POLA1: variants seen among roughly 807,000 people sequenced by gnomAD.
POLA1 encodes DNA polymerase alpha catalytic subunit.
POLA1 carries 15 observed loss-of-function variants against 124.0 expected under a neutral mutation model. The ratio of observed to expected loss-of-function variants is 0.12; its 90% confidence interval spans 0.08 to 0.19. The LOEUF (loss-of-function observed/expected upper bound fraction) is 0.19. POLA1 is among the 10% of genes least tolerant of loss of function. The pLI is 1.00. For missense variants in POLA1, 886 were observed against 1,103.4 expected (o/e 0.80, Z 2.79); for synonymous variants, 408 against 389.4 (o/e 1.05, Z -0.56).
intron 34 of POLA1, among the ~76,000 whole-genome samples, chrX:24,846,051 A>C (rs1177343551): frequency 8.9e-6 from 1 of 112,249 alleles, no homozygotes; most frequent in Non-Finnish European, 1.9e-5. Flanking sequence ...AGTTTGGGGT[A>C]ACAAAGTATA....
intron 35 of POLA1, among the ~76,000 whole-genome samples, chrX:24,929,756 C>T (rs1434305898): frequency 8.0e-5 from 9 of 112,192 alleles, no homozygotes; most frequent in African/African-American, 2.9e-4. Flanking sequence ...CTCTAAATAA[C>T]CTCAGGAATG....
intron 26 of POLA1, among the ~76,000 whole-genome samples, chrX:24,778,714 C>T (rs2045194847): frequency 9.0e-6 from 1 of 111,666 alleles, no homozygotes; most frequent in Non-Finnish European, 1.9e-5. Context: ...CTCATAGAAA[C>T]CCTGTGATAT....
chrX:24,912,939 A>G (rs1252743340), intron 35 of POLA1, among the ~76,000 whole-genome samples: 1 of 112,264 alleles, frequency 8.9e-6, no homozygotes, highest in Non-Finnish European at 1.9e-5. Context: ...ACAACCCCAG[A>G]AAAGGTTGAC....
chrX:24,896,635 C>T (rs1358219226), intron 35 of POLA1, among the ~76,000 whole-genome samples: 1 of 111,395 alleles, frequency 9.0e-6, no homozygotes, highest in Non-Finnish European at 1.9e-5. Context: ...GGGTATCTAG[C>T]ACAGATGCCT....
At chrX:24,973,011 G>C (rs911115227) in intron 36 of POLA1, among the ~76,000 whole-genome samples, 2 of 112,306 alleles carry the variant, frequency 1.8e-5, no homozygotes, top group Admixed American at 9.4e-5. Context: ...GGCTGAGGAA[G>C]ATGTGGGTAA....
chrX:24,798,715 A>C (rs747048153), intron 26 of POLA1, among the ~76,000 whole-genome samples: 6 of 111,001 alleles, frequency 5.4e-5, no homozygotes, highest in Non-Finnish European at 9.4e-5. Flanking sequence ...TTAAGTTCTA[A>C]GGGAGTCAAA....
intron 32 of POLA1, among the ~76,000 whole-genome samples, chrX:24,837,000 G>T (rs947618669): frequency 1.8e-5 from 2 of 111,732 alleles, no homozygotes; most frequent in South Asian, 3.7e-4. Flanking sequence ...ATGAGGTCAG[G>T]TGTGGAATTT....
At chrX:24,918,099 A>G (rs925166537) in intron 35 of POLA1, among the ~76,000 whole-genome samples, 1 of 109,485 alleles carries the variant, frequency 9.1e-6, no homozygotes, top group Non-Finnish European at 1.9e-5. Flanking sequence ...TGTGAGACCA[A>G]ATGATACCAA....
intron 26 of POLA1, among the ~76,000 whole-genome samples, chrX:24,801,375 C>T (rs2045701915): frequency 8.9e-6 from 1 of 111,825 alleles, no homozygotes; most frequent in Non-Finnish European, 1.9e-5. Flanking sequence ...TAGGAGTTTT[C>T]CTCCTTTTAC....
At chrX:24,862,753 A>G (rs940650524) in intron 34 of POLA1, among the ~76,000 whole-genome samples, 2 of 111,969 alleles carry the variant, frequency 1.8e-5, no homozygotes, top group African/African-American at 6.5e-5. Flanking sequence ...AGTTTGGGCA[A>G]TTTTCTATAA....
intron 34 of POLA1, among the ~76,000 whole-genome samples, chrX:24,876,518 T>C (rs1259024166): frequency 9.0e-6 from 1 of 110,854 alleles, no homozygotes; most frequent in Non-Finnish European, 1.9e-5. Context: ...GAAAAAAAAA[T>C]GACTGTAGCT....
intron 26 of POLA1, among the ~76,000 whole-genome samples, chrX:24,750,444 A>G (rs1436590453): frequency 2.7e-5 from 3 of 112,595 alleles, no homozygotes; most frequent in African/African-American, 9.7e-5. Flanking sequence ...TTAAACTTAA[A>G]TAGACAAATG....
intron 36 of POLA1, among the ~76,000 whole-genome samples, chrX:24,938,909 A>T (rs923791477): frequency 1.8e-5 from 2 of 112,609 alleles, no homozygotes; most frequent in Admixed American, 9.4e-5. Flanking sequence ...CTTCTTCAAG[A>T]TAGCTAAGTT....
At chrX:24,700,512 A>AT (rs763340810) in intron 2 of POLA1, among the ~76,000 whole-genome samples, 43 of 111,518 alleles carry the variant, frequency 3.9e-4, no homozygotes, top group African/African-American at 1.2e-3. Context: ...GGAATAAAGC[A>AT]TTTTTTTTGT....
chrX:24,706,945 CAA>C (rs1186883693), intron 4 of POLA1, among the ~76,000 whole-genome samples: 1 of 111,968 alleles, frequency 8.9e-6, no homozygotes, highest in East Asian at 2.8e-4. Flanking sequence ...TGGTTTATTA[CAA>C]AAAAATAAGC....
At chrX:24,795,193 A>G (rs1254964317) in intron 26 of POLA1, among the ~76,000 whole-genome samples, 1 of 111,006 alleles carries the variant, frequency 9.0e-6, no homozygotes, top group Non-Finnish European at 1.9e-5. Context: ...AAAAATTAGC[A>G]GCTGGAGAAT....
At chrX:24,838,328 A>G (rs1197795277) in intron 32 of POLA1, among the ~76,000 whole-genome samples, 3 of 111,751 alleles carry the variant, frequency 2.7e-5, no homozygotes, top group Non-Finnish European at 3.8e-5. Context: ...CCCCAGCACA[A>G]ATGAGTCCAT....
At chrX:24,788,821 A>G (rs763410824) in intron 26 of POLA1, 3 of 1,194,973 alleles carry the variant, frequency 2.5e-6, no homozygotes, top group South Asian at 1.8e-5. Flanking sequence ...TGTCTTCCAC[A>G]TCGGCAGGAC....
intron 26 of POLA1, among the ~76,000 whole-genome samples, chrX:24,778,976 G>A (rs1000173743): frequency 1.8e-5 from 2 of 112,151 alleles, no homozygotes; most frequent in Non-Finnish European, 3.8e-5. Flanking sequence ...TGGAGATGAA[G>A]TAGTCTGCTA....
Sources: gnomAD v4.1 joint callset for allele counts (sites outside exome capture counted in the v4.1 genomes callset) on GRCh38, gnomAD v4.1.1 for gene constraint, MANE v1.5 for transcripts, NCBI Gene and HGNC (gene_info 2026-07-23, HGNC 2026-07-21) for gene names.